PDGFRB: variants seen among roughly 807,000 people sequenced by gnomAD.
PDGFRB encodes the protein platelet derived growth factor receptor beta, also known as platelet-derived growth factor receptor beta.
PDGFRB carries 42 observed loss-of-function variants against 120.2 expected under a neutral mutation model. That is an observed-to-expected ratio of 0.35 (90% confidence interval 0.27 to 0.45). The LOEUF (loss-of-function observed/expected upper bound fraction) is 0.45, where lower values mean the gene tolerates loss of function less well. PDGFRB is among the 20% of genes least tolerant of loss of function. The pLI is 1.00. For missense variants in PDGFRB, 1,149 were observed against 1,476.3 expected (o/e 0.78, Z 3.63); for synonymous variants, 586 against 606.8 (o/e 0.97, Z 0.50).
In PDGFRB at chr5:150,117,739, A is replaced by T. The variant is rs749008500; in HGVS notation, c.3016T>A (p.Ser1006Thr). The T allele has an allele frequency of 6.2e-7, 1 of 1,613,584 alleles. No individual in the cohort carries two copies. Among genetic ancestry groups the T allele is most frequent in the Admixed American group, 1.7e-5 (1 of 60,002 alleles). The change falls in exon 22 of 23, where the codon TCC becomes ACC. Residue 1006 changes from serine to threonine, a missense_variant. Coordinates refer to ENST00000261799, the MANE Select transcript of PDGFRB (RefSeq NM_002609.4). ...GGCTGCACGGCAGTATAGAGGACGG[A>T]GCTGGTGTCCAGGGGAGATCGGAGG... is the stretch of plus-strand genomic sequence containing the variant. Reference protein sequence around the residue: ...HGLRSPLDTSSVLYTAVQPNE... With the variant: ...HGLRSPLDTSTVLYTAVQPNE...
chr5:150,118,745 AC>A lies in PDGFRB; in HGVS notation c.2904+1del. The A allele has an allele frequency of 6.3e-7, 1 of 1,591,876 alleles. No homozygotes were observed. Among genetic ancestry groups the A allele is most frequent in the African/African-American group, 1.3e-5 (1 of 74,470 alleles). On this transcript the variant is annotated splice_donor_variant, in intron 21 of 22. Transcript: ENST00000261799. LOFTEE classifies it high-confidence loss of function. ...CTCCACCCCTACCCTGCCTCAACATACCTTTTTGTAACCTTCGCCCAACAGT... is the reference window on the plus strand; with the variant it reads ...CTCCACCCCTACCCTGCCTCAACATACTTTTTGTAACCTTCGCCCAACAGT...
At position 150,124,376 on chromosome 5, in the gene PDGFRB, G is replaced by C. The variant is rs745989450; in HGVS notation, c.1913-16C>G. 5.0e-5 allele frequency: 80 copies of C among 1,600,720 alleles called. No homozygotes were observed. The African/African-American group carries it at 9.8e-4, about 20-fold the overall frequency. On this transcript the variant is annotated splice_polypyrimidine_tract_variant and intron_variant, in intron 13 of 22. Transcript: ENST00000261799. ...CGGGCTGTGGCTGAGGAAAATGGGG[G>C]CCCCAGGCCAGGCCCAGTCATGGAG... is the stretch of plus-strand genomic sequence containing the variant.
In PDGFRB at chr5:150,132,046, G is replaced by A. The variant is rs370380734; in HGVS notation, c.1176C>T (p.Gly392=). 1.3e-5 allele frequency: 21 copies of A among 1,611,630 alleles called. No individual in the cohort carries two copies. In the African/African-American group the frequency reaches 2.0e-4, roughly 15 times the overall value. Residue 392 remains glycine (G), a synonymous_variant, in exon 8 of 23, where the codon GGC becomes GGT. Coordinates refer to ENST00000261799, the MANE Select transcript of PDGFRB (RefSeq NM_002609.4). This position sits in a 1 kb window ranked among gnomAD's most constrained non-coding sequence, Gnocchi z 5.0. ...CATGGAAGGCCCGCATGGTGTAGTGGCCAGCCTCTGCCACCTTCACGCGAA... is the reference window on the plus strand; with the variant it reads ...CATGGAAGGCCCGCATGGTGTAGTGACCAGCCTCTGCCACCTTCACGCGAA... ...TLVRVKVAEA[G]HYTMRAFHED... is the part of the protein sequence containing the mutation.
Position 150,121,396 on chromosome 5 carries a change from C to T in PDGFRB, c.2345-74G>A, listed in dbSNP as rs976522261. ...CCACAGGACCCCTGCCCTTTGGCTC[C>T]TGGGAGACTGAATGTCCAAGACAGG... On this transcript the variant is annotated intron_variant, in intron 16 of 22. Transcript: ENST00000261799. This position sits in a 1 kb window ranked among gnomAD's most constrained non-coding sequence, Gnocchi z 4.1. 31 of 789,950 alleles carry T rather than the reference C, an allele frequency of 3.9e-5. 1 individual carries two copies. Among genetic ancestry groups the T allele is most frequent in the South Asian group, 8.1e-5 (6 of 74,088 alleles). The allele number at this position is 789,950 out of a possible 1,614,324, so 48.9% of individuals were successfully genotyped here. A position where few individuals can be genotyped will look rare whatever the true frequency, so the allele number is the denominator to read the frequency against.
At chr5:150,136,662 A>G (rs62380714) in intron 2 of PDGFRB, among the ~76,000 whole-genome samples, 2 of 152,066 alleles carry the variant, frequency 1.3e-5, no homozygotes, top group Non-Finnish European at 2.9e-5. Flanking sequence ...GGGACCTGGA[A>G]GCTCCCAGCC....
At chr5:150,127,599 G>C (rs1371747254) in intron 10 of PDGFRB, among the ~76,000 whole-genome samples, 1 of 152,104 alleles carries the variant, frequency 6.6e-6, no homozygotes, top group Non-Finnish European at 1.5e-5. Flanking sequence ...ACTTTGGGAG[G>C]CCAAGGTGGG....
intron 15 of PDGFRB, 73 bp downstream of exon 15, chr5:150,122,969 G>T: frequency 7.4e-7 from 1 of 1,357,896 alleles, no homozygotes; most frequent in Non-Finnish European, 1.0e-6. Context: ...TTCCCCTCCT[G>T]GACAAAAGGA....
intron 1 of PDGFRB, among the ~76,000 whole-genome samples, chr5:150,150,246 C>A (rs963753315): frequency 6.6e-6 from 1 of 152,188 alleles, no homozygotes; most frequent in African/African-American, 2.4e-5. Context: ...GCCCAGGTCC[C>A]AGGCTCAGCG....
At chr5:150,136,504 C>T (rs905696957) in intron 2 of PDGFRB, among the ~76,000 whole-genome samples, 1 of 152,142 alleles carries the variant, frequency 6.6e-6, no homozygotes, top group African/African-American at 2.4e-5. Flanking sequence ...GGGAGGTGGG[C>T]GGTCAGGCAG....
chr5:150,130,081 C>A, intron 9 of PDGFRB, 113 bp from the exon 10 acceptor site: 1 of 841,482 alleles, frequency 1.2e-6, no homozygotes, highest in South Asian at 1.5e-5. Flanking sequence ...TGTCCCACTG[C>A]CTGTTTCCGA....
Position 150,114,572 on chromosome 5 carries a change from T to G in PDGFRB, c.*1191A>C, listed in dbSNP as rs1374926677. On this transcript the variant is annotated 3_prime_UTR_variant, in exon 23 of 23. Coordinates refer to ENST00000261799, the MANE Select transcript of PDGFRB (RefSeq NM_002609.4). ...CTTTCCAGGACACCGGCTGTCACTC[T>G]AAGTCAAGGCCTGTGCAGCTGTGTT... 1 of 233,240 alleles carries G rather than the reference T, an allele frequency of 4.3e-6. No homozygotes were observed. The highest frequency in any genetic ancestry group is 8.5e-6 in the Non-Finnish European group (1 of 117,846). The allele number at this position is 233,240 out of a possible 1,614,324, so 14.4% of individuals were successfully genotyped here. A position where few individuals can be genotyped will look rare whatever the true frequency, so the allele number is the denominator to read the frequency against.
Position 150,135,622 on chromosome 5 carries a change from A to C in PDGFRB, c.297T>G (p.Phe99Leu), listed in dbSNP as rs1297885582. The stretch of plus-strand genomic sequence containing the variant: ...GTCCACGGGAGTCATTGTGGGTGCA[A>C]AAGTATTCTCCCGTGTCTAGCCCAG... Reference protein sequence around the residue: ...NLTGLDTGEYFCTHNDSRGLE... With the variant: ...NLTGLDTGEYLCTHNDSRGLE... Residue 99 changes from phenylalanine (F) to leucine (L), a missense_variant, in exon 3 of 23, where the codon TTT becomes TTG. By Grantham distance (22) the Phe-to-Leu change is conservative. Around this residue, in one of 3 missense-constraint regions of PDGFRB, gnomAD observed 879 missense variants for 1,108.6 expected, o/e 0.79. Transcript: ENST00000261799. 6.2e-7 allele frequency: 1 copy of C among 1,613,914 alleles called. No individual in the cohort carries two copies. The highest frequency in any genetic ancestry group is 2.2e-5 in the East Asian group (1 of 44,870).
rs55830572 is a variant in PDGFRB, at chr5:150,121,008, G to A, written c.2466C>T (p.Cys822=). Residue 822 remains cysteine (C), a splice_region_variant and synonymous_variant, in exon 18 of 23, where the codon TGC becomes TGT. Coordinates refer to ENST00000261799, the MANE Select transcript of PDGFRB (RefSeq NM_002609.4). The surrounding 1 kb of genome is among the most constrained non-coding windows in gnomAD (Gnocchi z 4.1). ...NGMEFLASKN[C]VHRDLAARNV... Reference sequence around the variant, plus strand: ...TCCTAGCCGCCAGGTCTCTGTGGACGCACTGGGTTTGGGGAGAGGGGAGCT... The same window carrying A: ...TCCTAGCCGCCAGGTCTCTGTGGACACACTGGGTTTGGGGAGAGGGGAGCT... 203 of 1,613,696 alleles carry A rather than the reference G, an allele frequency of 1.3e-4. No individual in the cohort carries two copies. Among genetic ancestry groups the A allele is most frequent in the Admixed American group, 3.0e-4 (18 of 60,006 alleles).
intron 8 of PDGFRB, 75 bp from the exon 9 acceptor site, chr5:150,130,737 C>G: frequency 7.4e-7 from 1 of 1,355,984 alleles, no homozygotes; most frequent in Non-Finnish European, 1.0e-6. Flanking sequence ...AGGGGAGGAC[C>G]TGGCCCAGAG....
At position 150,120,632 on chromosome 5, in the gene PDGFRB, C is replaced by T. The variant is rs572698557; in HGVS notation, c.2586+256G>A. ...ACTGGAACAACACATTCGGCCTGTT[C>T]CCCCTTCCCCCACCCTGGACCCATT... On this transcript the variant is annotated intron_variant, in intron 18 of 22. Coordinates refer to ENST00000261799, the MANE Select transcript of PDGFRB (RefSeq NM_002609.4). The surrounding 1 kb of genome is among the most constrained non-coding windows in gnomAD (Gnocchi z 4.3). Among the ~76,000 whole-genome samples, 5 of 152,212 alleles carry T rather than the reference C, an allele frequency of 3.3e-5. No individual in the cohort carries two copies. Among genetic ancestry groups the T allele is most frequent in the East Asian group, 1.9e-4 (1 of 5,200 alleles).
chr5:150,128,552 C>T (rs907272180), intron 10 of PDGFRB, among the ~76,000 whole-genome samples: 2 of 152,250 alleles, frequency 1.3e-5, no homozygotes, highest in Non-Finnish European at 2.9e-5. Context: ...AGTATCCACA[C>T]ACTCGATCCT....
Position 150,114,518 on chromosome 5 carries a change from T to C in PDGFRB, c.*1245A>G, listed in dbSNP as rs1759861107. The C allele has an allele frequency of 8.6e-6, 2 of 233,402 alleles. No individual in the cohort carries two copies. The highest frequency in any genetic ancestry group is 1.2e-4 in the East Asian group (2 of 16,560). 14.5% of individuals were successfully genotyped at this position (233,402 alleles called of 1,614,324 possible). Reference sequence around the variant, plus strand: ...GGTAGTGAAAGAGGTCCCGTGGTCTTCCCATGTCCCTGGGGCAGCTGCTGG... The same window carrying C: ...GGTAGTGAAAGAGGTCCCGTGGTCTCCCCATGTCCCTGGGGCAGCTGCTGG... On this transcript the variant is annotated 3_prime_UTR_variant, in exon 23 of 23. Coordinates refer to ENST00000261799, the MANE Select transcript of PDGFRB (RefSeq NM_002609.4).
Position 150,120,420 on chromosome 5 carries a change from C to T in PDGFRB, c.2587-297G>A, listed in dbSNP as rs117267989. On this transcript the variant is annotated intron_variant, in intron 18 of 22. Transcript: ENST00000261799. This position sits in a 1 kb window ranked among gnomAD's most constrained non-coding sequence, Gnocchi z 4.3. ...AGCCAGGGACTTGTCAAGGCACCCC[C>T]CAAGCTCTTATCCTGGCTGCCTTTG... Among the ~76,000 whole-genome samples the T allele has an allele frequency of 6.6e-6, 1 of 152,196 alleles. No individual in the cohort carries two copies. The highest frequency in any genetic ancestry group is 2.4e-5 in the African/African-American group (1 of 41,454).
intron 2 of PDGFRB, among the ~76,000 whole-genome samples, chr5:150,136,444 G>A (rs1390465108): frequency 6.6e-6 from 1 of 152,192 alleles, no homozygotes; most frequent in Admixed American, 6.5e-5. Context: ...CCCTGGAGAA[G>A]GATTTTTCAG....
Sources: allele counts gnomAD v4.1 joint callset (sites outside exome capture counted in the v4.1 genomes callset), GRCh38; gene constraint gnomAD v4.1.1; regional missense constraint gnomAD v4.1.1; non-coding constraint Gnocchi (gnomAD v3.1); transcripts MANE v1.5; gene names NCBI Gene and HGNC (gene_info 2026-07-23, HGNC 2026-07-21).